GRAMD1B: variants seen among roughly 807,000 people sequenced by gnomAD.
The protein encoded by GRAMD1B is protein Aster-B.
In GRAMD1B, 37 loss-of-function variants were observed where a neutral mutation model predicts 99.7. The observed-to-expected ratio is 0.37, with a 90% CI of 0.29 to 0.49. The LOEUF is 0.49. Ranked by LOEUF, GRAMD1B falls within the 20% of genes least tolerant of loss-of-function variation. The pLI is 0.98. For synonymous variants in GRAMD1B, 427 were observed against 387.6 expected (o/e 1.10, Z -1.19); for missense variants, 888 against 1,009.2 (o/e 0.88, Z 1.63).
At chr11:123,548,290 AAATATATAT>A (rs1164481027) in intron 2 of GRAMD1B, among the ~76,000 whole-genome samples, 41 of 58,158 alleles carry the variant, frequency 7.0e-4, no homozygotes, top group African/African-American at 3.2e-3. Flanking sequence ...GGCTGTGCCA[AAATATATAT>A]ATATATATAT....
chr11:123,371,519 T>C (rs1347024559), intron 1 of GRAMD1B, among the ~76,000 whole-genome samples: 4 of 152,198 alleles, frequency 2.6e-5, no homozygotes, highest in Non-Finnish European at 5.9e-5. Context: ...TCTCTCACTT[T>C]ATGAACTTTT....
At chr11:123,540,133 A>G (rs1304912074) in intron 2 of GRAMD1B, among the ~76,000 whole-genome samples, 1 of 151,642 alleles carries the variant, frequency 6.6e-6, no homozygotes, top group African/African-American at 2.4e-5. Flanking sequence ...TGGCATGACC[A>G]CAGCTCACTG....
intron 2 of GRAMD1B, among the ~76,000 whole-genome samples, chr11:123,568,625 C>T (rs776270053): frequency 1.3e-5 from 2 of 152,202 alleles, no homozygotes; most frequent in Non-Finnish European, 2.9e-5. Flanking sequence ...GGAAGAAAGG[C>T]GTTAGCTTGG....
chr11:123,380,236 A>G (rs1262878820), intron 1 of GRAMD1B, among the ~76,000 whole-genome samples: 2 of 152,208 alleles, frequency 1.3e-5, no homozygotes, highest in African/African-American at 4.8e-5. Context: ...CATAGCTAAG[A>G]AACCACTGCC....
At chr11:123,561,066 G>A (rs563128895) in intron 2 of GRAMD1B, among the ~76,000 whole-genome samples, 1 of 152,276 alleles carries the variant, frequency 6.6e-6, no homozygotes, top group South Asian at 2.1e-4. Flanking sequence ...CGGAGGGGTG[G>A]CCCTGGGGTG....
rs1266036361 is a variant in GRAMD1B at position 123,407,002 on chromosome 11, G to T, written c.-176+48203G>T. ...CCTAAAACTCCCTGTGGCAGTTTAGGTTTCTTTTTCACTTACCACATGTTT... is the reference window on the plus strand; with the variant it reads ...CCTAAAACTCCCTGTGGCAGTTTAGTTTTCTTTTTCACTTACCACATGTTT... On this transcript the variant is annotated intron_variant, in intron 1 of 20. Coordinates refer to the GRAMD1B transcript ENST00000638157. Among the ~76,000 whole-genome samples the T allele has an allele frequency of 2.6e-5, 4 of 152,194 alleles. No homozygotes were observed. The East Asian group carries it at 7.7e-4, about 29-fold the overall frequency.
At position 123,560,074 on chromosome 11, in the gene GRAMD1B, C is replaced by G. The variant is rs867172998; in HGVS notation, c.453-17293C>G. 2.2e-4 allele frequency among the ~76,000 whole-genome samples: 33 copies of G among 151,576 alleles called. 2 individuals are homozygous for G. The highest frequency in any genetic ancestry group is 2.9e-4 in the African/African-American group (12 of 41,102). On this transcript the variant is annotated intron_variant, in intron 2 of 19. Coordinates refer to ENST00000635736, the MANE Select transcript of GRAMD1B (RefSeq NM_001387025.1). ...GGGTGAAGAGGAAATAACCCCCCCC[C>G]CCGCAGCCCCAGCGGCTCTGTCCTC... is the stretch of plus-strand genomic sequence containing the variant.
chr11:123,457,539 T>C (rs1950215156), intron 1 of GRAMD1B, among the ~76,000 whole-genome samples: 1 of 152,188 alleles, frequency 6.6e-6, no homozygotes, highest in South Asian at 2.1e-4. Context: ...GCCTATGTGA[T>C]TGTCTAGCAC....
Position 123,492,669 on chromosome 11 carries a change from G to A in GRAMD1B, c.452+11776G>A, listed in dbSNP as rs1234384693. On this transcript the variant is annotated intron_variant, in intron 2 of 19. Transcript: ENST00000635736. The surrounding 1 kb of genome is among the most constrained non-coding windows in gnomAD (Gnocchi z 4.2). Reference sequence around the variant, plus strand: ...GAGGATCATGTAAACTTATGGGCAGGTTTGTGTGTTTTTGCTTTTGTTTTG... The same window carrying A: ...GAGGATCATGTAAACTTATGGGCAGATTTGTGTGTTTTTGCTTTTGTTTTG... Among the ~76,000 whole-genome samples the A allele has an allele frequency of 2.0e-5, 3 of 152,144 alleles. No individual in the cohort carries two copies. Among genetic ancestry groups the A allele is most frequent in the African/African-American group, 7.2e-5 (3 of 41,420 alleles).
intron 2 of GRAMD1B, among the ~76,000 whole-genome samples, chr11:123,571,238 G>C (rs567096690): frequency 2.2e-4 from 33 of 152,352 alleles, no homozygotes; most frequent in African/African-American, 7.2e-4. Context: ...TGATCAGGGA[G>C]CTGGCTTGCT....
chr11:123,487,624 A>G (rs375261430), intron 2 of GRAMD1B, among the ~76,000 whole-genome samples: 2 of 152,112 alleles, frequency 1.3e-5, no homozygotes, highest in African/African-American at 4.8e-5. Flanking sequence ...TTGTTTTTTT[A>G]GAGACAGTCT....
intron 9 of GRAMD1B, among the ~76,000 whole-genome samples, chr11:123,604,606 G>A (rs77082103): frequency 0.051 from 7,811 of 152,254 alleles, 262 homozygotes; most frequent in African/African-American, 0.09. Context: ...GCTTAGGTCT[G>A]GGCTCAGTCG....
At chr11:123,477,776 TC>T (rs1951369707) in intron 1 of GRAMD1B, among the ~76,000 whole-genome samples, 1 of 126,600 alleles carries the variant, frequency 7.9e-6, no homozygotes, top group African/African-American at 2.8e-5. Flanking sequence ...TCCCTTTTCT[TC>T]TCTTTTTTTG....
intron 3 of GRAMD1B, among the ~76,000 whole-genome samples, chr11:123,582,986 ATG>A (rs372476049): frequency 2.0e-5 from 3 of 151,964 alleles, no homozygotes; most frequent in South Asian, 4.3e-4. Flanking sequence ...GAGCTTAGGC[ATG>A]TGTGTGTGTG....
At chr11:123,513,235 T>C (rs1237695711) in intron 2 of GRAMD1B, among the ~76,000 whole-genome samples, 2 of 152,116 alleles carry the variant, frequency 1.3e-5, no homozygotes, top group Non-Finnish European at 2.9e-5. Context: ...TGAAATAGCT[T>C]TTGGTGGAGG....
At chr11:123,608,463 C>A in intron 11 of GRAMD1B, 196 bp from the exon 12 acceptor site, 1 of 1,512,256 alleles carries the variant, frequency 6.6e-7, no homozygotes, top group East Asian at 2.5e-5. Context: ...TGGTGTGCAT[C>A]CCAGCAAAAG....
At chr11:123,473,769 T>C (rs1951129384) in intron 1 of GRAMD1B, among the ~76,000 whole-genome samples, 1 of 152,206 alleles carries the variant, frequency 6.6e-6, no homozygotes, top group African/African-American at 2.4e-5. Context: ...ATGTTATTTC[T>C]AAGTGGTGTT....
chr11:123,626,309 A>T lies in GRAMD1B; in HGVS notation c.*3714A>T, dbSNP rs1212502374. ...ACTAAGAACCTGGAATGACATGGGG[A>T]GGACAAAGAGAGCTCAAGAGGAATG... On this transcript the variant is annotated 3_prime_UTR_variant, in exon 20 of 20. Coordinates refer to ENST00000635736, the MANE Select transcript of GRAMD1B (RefSeq NM_001387025.1). 1 of 152,218 alleles carries T rather than the reference A, an allele frequency of 6.6e-6. No individual in the cohort carries two copies. Among genetic ancestry groups the T allele is most frequent in the Non-Finnish European group, 1.5e-5 (1 of 68,066 alleles). The allele number at this position is 152,218 out of a possible 1,614,324, so 9.4% of individuals were successfully genotyped here.
At chr11:123,513,597 C>CTTT (rs1941322558) in intron 2 of GRAMD1B, among the ~76,000 whole-genome samples, 54 of 45,110 alleles carry the variant, frequency 1.2e-3, no homozygotes, top group African/African-American at 4.1e-3. Context: ...TTCCTTCCTT[C>CTTT]CTTCCTTCCT....
Sources: gnomAD v4.1 joint callset for allele counts (sites outside exome capture counted in the v4.1 genomes callset) on GRCh38, gnomAD v4.1.1 for gene constraint, Gnocchi (gnomAD v3.1) non-coding constraint, MANE v1.5 for transcripts, NCBI Gene and HGNC (gene_info 2026-07-23, HGNC 2026-07-21) for gene names.